BAZ2B: variants seen among roughly 807,000 people sequenced by gnomAD.
BAZ2B encodes bromodomain adjacent to zinc finger domain protein 2B.
In BAZ2B, 91 loss-of-function variants were observed where a neutral mutation model predicts 246.0. The ratio of observed to expected loss-of-function variants is 0.37; its 90% confidence interval spans 0.31 to 0.44. BAZ2B has a LOEUF of 0.44. BAZ2B is among the 20% of genes least tolerant of loss of function. The pLI is 1.00. For missense variants in BAZ2B, 2,332 were observed against 2,533.7 expected (o/e 0.92, Z 1.71); for synonymous variants, 855 against 860.0 (o/e 0.99, Z 0.10).
At chr2:159,578,885 A>C (rs1001162624) in intron 1 of BAZ2B, among the ~76,000 whole-genome samples, 1 of 152,208 alleles carries the variant, frequency 6.6e-6, no homozygotes, top group Non-Finnish European at 1.5e-5. Flanking sequence ...ATGAGAACAA[A>C]GACACAACAT....
At chr2:159,486,208 G>C (rs1008421608) in intron 2 of BAZ2B, among the ~76,000 whole-genome samples, 1 of 151,976 alleles carries the variant, frequency 6.6e-6, no homozygotes, top group Non-Finnish European at 1.5e-5. Context: ...TGTATGGTTA[G>C]CTGATCCTTT....
intron 1 of BAZ2B, among the ~76,000 whole-genome samples, chr2:159,587,877 T>C (rs920581429): frequency 4.6e-5 from 7 of 151,670 alleles, no homozygotes; most frequent in Non-Finnish European, 2.9e-5. Flanking sequence ...ATACAATATA[T>C]CAAGAGCAAA....
At chr2:159,462,727 C>T (rs1315654042) in intron 3 of BAZ2B, 10 of 1,417,726 alleles carry the variant, frequency 7.1e-6, no homozygotes, top group East Asian at 2.3e-5. Context: ...TAAACTTCCA[C>T]TCTGATCTCC....
intron 31 of BAZ2B, among the ~76,000 whole-genome samples, chr2:159,338,824 GA>G (rs1459772520): frequency 1.3e-5 from 2 of 152,020 alleles, no homozygotes; most frequent in Admixed American, 6.6e-5. Context: ...ACTTCTAAAT[GA>G]AATCTTCCAT....
At chr2:159,395,177 C>A (rs972434824) in intron 20 of BAZ2B, among the ~76,000 whole-genome samples, 5 of 152,218 alleles carry the variant, frequency 3.3e-5, no homozygotes, top group African/African-American at 7.2e-5. Flanking sequence ...ACCTCCAAAG[C>A]CCCAGTTATA....
At chr2:159,650,759 ATGAGTCTT>A in the BAZ2B span, among the ~76,000 whole-genome samples, 1 of 152,150 alleles carries the variant, frequency 6.6e-6, no homozygotes, top group Non-Finnish European at 1.5e-5. Flanking sequence ...TCCTCAAGTC[ATGAGTCTT>A]TGAGTGCTTA....
chr2:159,418,910 C>A (rs2068233836), intron 13 of BAZ2B, among the ~76,000 whole-genome samples: 1 of 152,136 alleles, frequency 6.6e-6, no homozygotes, highest in South Asian at 2.1e-4. Flanking sequence ...CTATCCCAGT[C>A]CTTGCCTCTG....
chr2:159,705,621 A>C, the BAZ2B span, among the ~76,000 whole-genome samples: 1 of 152,210 alleles, frequency 6.6e-6, no homozygotes, highest in Non-Finnish European at 1.5e-5. Context: ...CTATCTATTG[A>C]GAAGACAAAA....
At chr2:159,409,443 G>T (rs1404787340) in intron 14 of BAZ2B, among the ~76,000 whole-genome samples, 1 of 152,182 alleles carries the variant, frequency 6.6e-6, no homozygotes, top group Non-Finnish European at 1.5e-5. Context: ...TAGAATGAAA[G>T]TCTTTATCAT....
chr2:159,548,613 T>C (rs1267620381), intron 2 of BAZ2B, among the ~76,000 whole-genome samples: 1 of 152,148 alleles, frequency 6.6e-6, no homozygotes, highest in African/African-American at 2.4e-5. Context: ...TCAACACATG[T>C]ATCAAAATAT....
intron 27 of BAZ2B, among the ~76,000 whole-genome samples, chr2:159,351,357 A>G (rs1448020844): frequency 6.6e-6 from 1 of 152,130 alleles, no homozygotes; most frequent in East Asian, 1.9e-4. Flanking sequence ...TAACTTAAAT[A>G]ATTTTCTACT....
intron 3 of BAZ2B, among the ~76,000 whole-genome samples, chr2:159,466,708 T>C (rs1308376879): frequency 6.6e-6 from 1 of 152,018 alleles, no homozygotes; most frequent in East Asian, 1.9e-4. Flanking sequence ...GGAAAGCTGG[T>C]GGTATAATTC....
intron 1 of BAZ2B, among the ~76,000 whole-genome samples, chr2:159,599,448 G>A (rs1309113129): frequency 4.0e-5 from 6 of 151,406 alleles, no homozygotes; most frequent in Non-Finnish European, 8.8e-5. Context: ...GAGAAACCCC[G>A]TCTCTACTAA....
intron 2 of BAZ2B, among the ~76,000 whole-genome samples, chr2:159,518,072 C>T (rs1471905281): frequency 1.3e-5 from 2 of 152,136 alleles, no homozygotes; most frequent in Non-Finnish European, 2.9e-5. Context: ...GTAATTCATA[C>T]ACCAAAACAA....
intron 1 of BAZ2B, among the ~76,000 whole-genome samples, chr2:159,601,314 C>T (rs944464553): frequency 3.2e-4 from 48 of 152,038 alleles, no homozygotes; most frequent in African/African-American, 9.4e-4. Flanking sequence ...CTTCCTTTCC[C>T]GATTTTTAAA....
At chr2:159,326,037 T>C in intron 34 of BAZ2B, 119 bp from the exon 35 acceptor site, 1 of 823,880 alleles carries the variant, frequency 1.2e-6, no homozygotes, top group Admixed American at 3.8e-5. Flanking sequence ...TGATCTAGAA[T>C]GTTGATAACT....
At chr2:159,504,985 T>TAAAGC (rs1298444031) in intron 2 of BAZ2B, among the ~76,000 whole-genome samples, 3 of 152,200 alleles carry the variant, frequency 2.0e-5, no homozygotes, top group Admixed American at 6.5e-5. Flanking sequence ...ACTTAATTTA[T>TAAAGC]AAAGCTACAT....
chr2:159,503,993 T>C (rs1340353770), intron 2 of BAZ2B, among the ~76,000 whole-genome samples: 1 of 152,200 alleles, frequency 6.6e-6, no homozygotes, highest in Non-Finnish European at 1.5e-5. Context: ...TTTCTGAATA[T>C]ACTGTAAACT....
the BAZ2B span, among the ~76,000 whole-genome samples, chr2:159,671,056 T>C: frequency 6.6e-6 from 1 of 152,246 alleles, no homozygotes; most frequent in Non-Finnish European, 1.5e-5. Context: ...AATTTTTTCT[T>C]TATCTTAGGT....
Sources: allele counts gnomAD v4.1 joint callset (sites outside exome capture counted in the v4.1 genomes callset), GRCh38; gene constraint gnomAD v4.1.1; transcripts MANE v1.5; gene names NCBI Gene and HGNC (gene_info 2026-07-23, HGNC 2026-07-21).